Variants in PCDH11X observed in about 807,000 individuals in gnomAD.
PCDH11X encodes the protein protocadherin 11 X-linked, also known as protocadherin-11 X-linked.
In PCDH11X, 18 loss-of-function variants were observed where a neutral mutation model predicts 53.3. The observed-to-expected ratio is 0.34, with a 90% CI of 0.23 to 0.50. The LOEUF (loss-of-function observed/expected upper bound fraction) is 0.50. Ranked by LOEUF, PCDH11X falls within the 20% of genes least tolerant of loss-of-function variation. The pLI, the probability that PCDH11X is intolerant of heterozygous loss-of-function variation, is 0.98. For missense variants in PCDH11X, 570 were observed against 1,032.4 expected (o/e 0.55, Z 6.14); for synonymous variants, 279 against 393.3 (o/e 0.71, Z 3.44).
At chrX:92,282,867 T>C in intron 8 of PCDH11X, among the ~76,000 whole-genome samples, 1 of 111,503 alleles carries the variant, frequency 9.0e-6, no homozygotes, top group Non-Finnish European at 1.9e-5. Context: ...GCTAAAGTTT[T>C]GGCACTATTT....
intron 1 of PCDH11X, among the ~76,000 whole-genome samples, chrX:91,781,689 G>T (rs953938831): frequency 5.4e-5 from 6 of 110,659 alleles, no homozygotes; most frequent in Non-Finnish European, 1.1e-4. Flanking sequence ...TGTGTGTCGC[G>T]GCGGGGCTGG....
At chrX:92,408,243 A>T (rs1386830589) in intron 9 of PCDH11X, among the ~76,000 whole-genome samples, 1 of 111,111 alleles carries the variant, frequency 9.0e-6, no homozygotes, top group Non-Finnish European at 1.9e-5. Context: ...ATGCCTAGAT[A>T]TAATTTTCCA....
At chrX:92,364,464 A>G (rs2070418127) in intron 8 of PCDH11X, among the ~76,000 whole-genome samples, 1 of 111,023 alleles carries the variant, frequency 9.0e-6, no homozygotes, top group South Asian at 3.8e-4. Context: ...GGCACTAAAC[A>G]TGAGTAGAGT....
chrX:92,364,986 T>C (rs1323853112), intron 8 of PCDH11X, among the ~76,000 whole-genome samples: 1 of 87,849 alleles, frequency 1.1e-5, no homozygotes, highest in Non-Finnish European at 2.3e-5. Context: ...TTTTTTTCTA[T>C]ATTTTAAACT....
chrX:92,070,677 A>T (rs1206650020), intron 6 of PCDH11X, among the ~76,000 whole-genome samples: 3 of 111,444 alleles, frequency 2.7e-5, no homozygotes, highest in African/African-American at 9.8e-5. Flanking sequence ...GGTATTCTGT[A>T]ACTTTCTTGT....
intron 1 of PCDH11X, among the ~76,000 whole-genome samples, chrX:91,798,800 G>T (rs1444951286): frequency 2.7e-5 from 3 of 110,487 alleles, no homozygotes; most frequent in Non-Finnish European, 5.7e-5. Flanking sequence ...ACCTATTTTT[G>T]TAGGACTTAG....
chrX:92,594,919 G>A (rs1324624233), intron 10 of PCDH11X, among the ~76,000 whole-genome samples: 1 of 102,748 alleles, frequency 9.7e-6, no homozygotes, highest in Non-Finnish European at 2.0e-5. Flanking sequence ...TAAATAATTT[G>A]GCAAAGTACC....
At position 92,358,929 on chromosome X, in the gene PCDH11X, A is replaced by G. The variant is rs773475686; in HGVS notation, c.3145-28806A>G. On this transcript the variant is annotated intron_variant, in intron 8 of 10. Coordinates refer to ENST00000682573, the MANE Select transcript of PCDH11X (RefSeq NM_032968.5). ...GACATTTATGGTTTCATCAATTCTC[A>G]CTAATCTGCAGTCCTTCAGCCTTAC... 9.2e-5 allele frequency among the ~76,000 whole-genome samples: 10 copies of G among 108,336 alleles called. No individual in the cohort carries two copies. In the East Asian group the frequency reaches 2.9e-3, roughly 32 times the overall value. The allele number at this position is 108,336 out of a possible 115,157, so 94.1% of individuals were successfully genotyped here.
intron 6 of PCDH11X, among the ~76,000 whole-genome samples, chrX:92,164,781 G>A (rs1038497278): frequency 3.6e-5 from 4 of 110,573 alleles, no homozygotes; most frequent in African/African-American, 1.3e-4. Context: ...GTCATGGGAG[G>A]AACACGGTGG....
At chrX:92,398,884 T>C (rs2071310266) in intron 9 of PCDH11X, among the ~76,000 whole-genome samples, 1 of 110,586 alleles carries the variant, frequency 9.0e-6, no homozygotes, top group Non-Finnish European at 1.9e-5. Context: ...CATATATACA[T>C]ATATTTACAG....
intron 9 of PCDH11X, among the ~76,000 whole-genome samples, chrX:92,400,192 A>G (rs1364913259): frequency 9.0e-6 from 1 of 111,615 alleles, no homozygotes; most frequent in African/African-American, 3.3e-5. Context: ...GATCAGAAGA[A>G]TAACAGGGCA....
chrX:92,162,190 G>T (rs1422241583), intron 6 of PCDH11X, among the ~76,000 whole-genome samples: 1 of 100,090 alleles, frequency 1.0e-5, no homozygotes, highest in Non-Finnish European at 2.0e-5. Context: ...TTGCTGTTTA[G>T]ATTTTTTTTT....
At chrX:92,490,287 T>A (rs944785978) in intron 10 of PCDH11X, among the ~76,000 whole-genome samples, 4 of 109,452 alleles carry the variant, frequency 3.7e-5, no homozygotes, top group African/African-American at 1.3e-4. Flanking sequence ...ACTAATTATA[T>A]GATTTGTAAC....
intron 10 of PCDH11X, among the ~76,000 whole-genome samples, chrX:92,484,233 GTATA>G (rs770513818): frequency 2.3e-5 from 2 of 88,509 alleles, no homozygotes; most frequent in African/African-American, 9.0e-5. Flanking sequence ...ATGTATATAT[GTATA>G]TATGTATATA....
intron 10 of PCDH11X, among the ~76,000 whole-genome samples, chrX:92,606,344 G>T (rs1926819677): frequency 9.2e-6 from 1 of 108,209 alleles, no homozygotes; most frequent in Non-Finnish European, 1.9e-5. Context: ...GGATAACTAA[G>T]CCTTTTCCAT....
At chrX:91,808,698 G>GA (rs1240000555) in intron 1 of PCDH11X, among the ~76,000 whole-genome samples, 1 of 109,241 alleles carries the variant, frequency 9.2e-6, no homozygotes, top group African/African-American at 3.3e-5. Context: ...CCTGGGACAT[G>GA]AAAAAAAATA....
chrX:92,575,841 G>A (rs1922759159), intron 10 of PCDH11X, among the ~76,000 whole-genome samples: 1 of 91,951 alleles, frequency 1.1e-5, no homozygotes, highest in Non-Finnish European at 2.1e-5. Flanking sequence ...GTGACTCCTA[G>A]TATCATGCAC....
At chrX:92,097,483 C>A (rs2064160280) in intron 6 of PCDH11X, among the ~76,000 whole-genome samples, 1 of 109,829 alleles carries the variant, frequency 9.1e-6, no homozygotes, top group African/African-American at 3.3e-5. Flanking sequence ...TTACACCATT[C>A]CCCCAACACG....
intron 5 of PCDH11X, among the ~76,000 whole-genome samples, chrX:91,869,224 C>T (rs1447336208): frequency 9.1e-6 from 1 of 109,945 alleles, no homozygotes; most frequent in Non-Finnish European, 1.9e-5. Flanking sequence ...GATCAGAAAA[C>T]ACAATAGTTT....
Sources: allele counts gnomAD v4.1 joint callset (sites outside exome capture counted in the v4.1 genomes callset), GRCh38; gene constraint gnomAD v4.1.1; transcripts MANE v1.5; gene names NCBI Gene and HGNC (gene_info 2026-07-23, HGNC 2026-07-21).